CTNNBL1: variants seen among roughly 807,000 people sequenced by gnomAD.
CTNNBL1 encodes beta-catenin-like protein 1.
Under a neutral mutation model 72.7 loss-of-function variants are expected in CTNNBL1, and 31 were observed. The observed-to-expected ratio is 0.43, with a 90% CI of 0.32 to 0.58. The LOEUF is 0.58. CTNNBL1 is among the 20% of genes least tolerant of loss of function. The pLI, the probability that CTNNBL1 is intolerant of heterozygous loss-of-function variation, is 0.08. For missense variants in CTNNBL1, 534 were observed against 725.1 expected (o/e 0.74, Z 3.03); for synonymous variants, 240 against 267.3 (o/e 0.90, Z 1.00).
intron 1 of CTNNBL1, among the ~76,000 whole-genome samples, chr20:37,712,082 G>A (rs1028462178): frequency 2.0e-5 from 3 of 152,216 alleles, no homozygotes; most frequent in African/African-American, 7.2e-5. Context: ...CCTTTGTGCT[G>A]CAGAGGGCCT....
chr20:37,846,236 G>A (rs6096503), intron 13 of CTNNBL1, among the ~76,000 whole-genome samples: 1,977 of 152,186 alleles, frequency 0.013, 50 homozygotes, highest in African/African-American at 0.042. Flanking sequence ...ACCTAAAAAG[G>A]TAGGGATATC....
At chr20:37,822,171 TAGAGGCTACCAGGGTGATGTC>T (rs1328152007) in intron 11 of CTNNBL1, among the ~76,000 whole-genome samples, 1 of 152,224 alleles carries the variant, frequency 6.6e-6, no homozygotes, top group Non-Finnish European at 1.5e-5. Flanking sequence ...ACGTAGTTTC[TAGAGGCTACCAGGGTGATGTC>T]AGAGGCTGCC....
chr20:37,748,467 C>A (rs564046282), intron 4 of CTNNBL1, among the ~76,000 whole-genome samples: 1 of 152,246 alleles, frequency 6.6e-6, no homozygotes, highest in Middle Eastern at 3.4e-3. Context: ...TTCAGTAGAG[C>A]TGCTGTGAGT....
At chr20:37,848,549 C>A (rs1166498406) in intron 13 of CTNNBL1, among the ~76,000 whole-genome samples, 2 of 152,110 alleles carry the variant, frequency 1.3e-5, no homozygotes, top group Admixed American at 6.5e-5. Context: ...TGACAGGGGG[C>A]CTGGGGGCAG....
At chr20:37,758,768 G>A (rs181311589) in intron 5 of CTNNBL1, among the ~76,000 whole-genome samples, 176 of 152,308 alleles carry the variant, frequency 1.2e-3, no homozygotes, top group African/African-American at 4.1e-3. Context: ...TTTTGACTCA[G>A]TTAGCAGTTG....
intron 10 of CTNNBL1, among the ~76,000 whole-genome samples, chr20:37,800,600 A>G (rs1477967659): frequency 6.6e-6 from 1 of 152,054 alleles, no homozygotes; most frequent in Non-Finnish European, 1.5e-5. Context: ...TTGTTCATTT[A>G]TTTTAAATAT....
intron 11 of CTNNBL1, among the ~76,000 whole-genome samples, chr20:37,839,412 G>T (rs1431623079): frequency 6.6e-6 from 1 of 152,114 alleles, no homozygotes; most frequent in African/African-American, 2.4e-5. Flanking sequence ...TTGATTTTTT[G>T]AAAGTTCTTT....
intron 5 of CTNNBL1, among the ~76,000 whole-genome samples, chr20:37,760,587 A>G (rs2073407992): frequency 1.3e-5 from 2 of 152,338 alleles, no homozygotes; most frequent in Admixed American, 6.5e-5. Flanking sequence ...TTTGTCATTT[A>G]CCAATTCTGT....
intron 1 of CTNNBL1, among the ~76,000 whole-genome samples, chr20:37,725,984 A>G (rs2073081030): frequency 6.6e-6 from 1 of 152,124 alleles, no homozygotes; most frequent in Admixed American, 6.5e-5. Context: ...GCTCCGTCTC[A>G]AAAAAAGAAA....
At chr20:37,846,490 A>G (rs2122828323) in intron 13 of CTNNBL1, among the ~76,000 whole-genome samples, 1 of 152,076 alleles carries the variant, frequency 6.6e-6, no homozygotes, top group African/African-American at 2.4e-5. Flanking sequence ...GTACTTTGAG[A>G]AGTTATGTAT....
intron 15 of CTNNBL1, among the ~76,000 whole-genome samples, chr20:37,861,216 G>A (rs1417809414): frequency 6.6e-6 from 1 of 152,232 alleles, no homozygotes; most frequent in Non-Finnish European, 1.5e-5. Flanking sequence ...TGCTCAGTCA[G>A]TGTGGGTTTC....
rs960988828 is a variant in CTNNBL1 at position 37,864,595 on chromosome 20, C to T, written c.1603+4251C>T. 3.5e-4 allele frequency among the ~76,000 whole-genome samples: 54 copies of T among 152,198 alleles called. 1 individual carries two copies. Among genetic ancestry groups the T allele is most frequent in the African/African-American group, 1.2e-3 (50 of 41,432 alleles). ...CTGCTTACTCAGTGCTCCCGACGTCCAGCCTTCCCCAGAACCAGCAGCAGC... is the reference window on the plus strand; with the variant it reads ...CTGCTTACTCAGTGCTCCCGACGTCTAGCCTTCCCCAGAACCAGCAGCAGC... On this transcript the variant is annotated intron_variant, in intron 15 of 15. Transcript: ENST00000361383.
intron 11 of CTNNBL1, among the ~76,000 whole-genome samples, chr20:37,805,123 G>A (rs2071942908): frequency 6.6e-6 from 1 of 152,258 alleles, no homozygotes; most frequent in South Asian, 2.1e-4. Context: ...GCAGAGCAGT[G>A]CGCACTGTGC....
chr20:37,820,666 G>A (rs890729171), intron 11 of CTNNBL1, among the ~76,000 whole-genome samples: 5 of 152,068 alleles, frequency 3.3e-5, no homozygotes, highest in Non-Finnish European at 7.4e-5. Flanking sequence ...TCCCCCACGC[G>A]CTCTCTCTGT....
intron 10 of CTNNBL1, among the ~76,000 whole-genome samples, chr20:37,789,099 C>T (rs1033900275): frequency 1.3e-5 from 2 of 151,700 alleles, no homozygotes; most frequent in Admixed American, 1.3e-4. Context: ...TCCTAGAGTA[C>T]AGGAACCAAA....
rs35851338 is a variant in CTNNBL1, at chr20:37,812,929, GC to G, written c.1213+9889del. Among the ~76,000 whole-genome samples, 317 of 151,706 alleles carry G rather than the reference GC, an allele frequency of 2.1e-3. 2 individuals are homozygous for G. The highest frequency in any genetic ancestry group is 6.7e-3 in the African/African-American group (276 of 41,298). On this transcript the variant is annotated intron_variant, in intron 11 of 15. Transcript: ENST00000361383. ...GTGAGAGAACTGGTGATTAGAAACA[GC>G]CCCCCCCAGGAATGTGGCCCCCAAG...
chr20:37,728,683 T>G (rs1568754055), intron 1 of CTNNBL1, among the ~76,000 whole-genome samples: 1 of 152,172 alleles, frequency 6.6e-6, no homozygotes, highest in East Asian at 1.9e-4. Flanking sequence ...GAAGAGAATG[T>G]GGAAATAAAA....
At chr20:37,786,025 G>A (rs1306984844) in intron 10 of CTNNBL1, among the ~76,000 whole-genome samples, 1 of 152,220 alleles carries the variant, frequency 6.6e-6, no homozygotes, top group Non-Finnish European at 1.5e-5. Context: ...CACCTTGGTG[G>A]TGTTGGGTAA....
chr20:37,856,837 CAG>C (rs2072447074), intron 13 of CTNNBL1, among the ~76,000 whole-genome samples: 1 of 152,184 alleles, frequency 6.6e-6, no homozygotes. Flanking sequence ...CCGACCTCTT[CAG>C]TGGTTAAAAC....
Sources: allele counts gnomAD v4.1 joint callset (sites outside exome capture counted in the v4.1 genomes callset), GRCh38; gene constraint gnomAD v4.1.1; transcripts MANE v1.5; gene names NCBI Gene and HGNC (gene_info 2026-07-23, HGNC 2026-07-21).